The following PDE5A variants were observed in gnomAD, a reference collection of about 807,000 sequenced individuals.
PDE5A encodes cGMP-specific 3',5'-cyclic phosphodiesterase.
A neutral mutation model predicts 110.2 loss-of-function variants in PDE5A; 67 were observed. The observed-to-expected ratio is 0.61, with a 90% CI of 0.50 to 0.75. The LOEUF (loss-of-function observed/expected upper bound fraction) is 0.75. Ranked by LOEUF, PDE5A falls within the 30% of genes least tolerant of loss-of-function variation. PDE5A has a pLI of 0.00. For missense variants in PDE5A, 862 were observed against 1,045.1 expected, an observed-to-expected ratio of 0.82 and a Z score of 2.42; for synonymous variants, 328 against 351.2, an observed-to-expected ratio of 0.93 and a Z score of 0.74.
intron 3 of PDE5A, among the ~76,000 whole-genome samples, chr4:119,585,116 A>C (rs1462606452): frequency 2.0e-5 from 3 of 152,124 alleles, no homozygotes; most frequent in African/African-American, 7.2e-5. Context: ...TCTACTAAAA[A>C]TACAAAAAAT....
In PDE5A at chr4:119,553,666, A is replaced by C; in HGVS notation, c.1280T>G (p.Val427Gly). The change falls in exon 8 of 21, where the codon GTC (valine) becomes GGC (glycine). Residue 427 changes from valine to glycine, a missense_variant. Val to Gly is a moderately radical substitution (Grantham distance 109, BLOSUM62 -3). Transcript: ENST00000354960. Reference sequence around the variant, plus strand: ...CCAGGGAAATCTTTTATCCTTACTGACATCTGGGATATTAAGTGGTTCCAT... The same window carrying C: ...CCAGGGAAATCTTTTATCCTTACTGCCATCTGGGATATTAAGTGGTTCCAT... ...NTMEPLNIPD[V>G]SKDKRFPWTT... The C allele has an allele frequency of 6.3e-7, 1 of 1,584,058 alleles. No individual in the cohort carries two copies. The highest frequency in any genetic ancestry group is 8.7e-7 in the Non-Finnish European group (1 of 1,152,924).
At chr4:119,589,049 T>C (rs1299855096) in intron 3 of PDE5A, among the ~76,000 whole-genome samples, 4 of 152,108 alleles carry the variant, frequency 2.6e-5, no homozygotes, top group Non-Finnish European at 5.9e-5. Context: ...CATTCAACAA[T>C]GGTGGTTCAG....
At chr4:119,527,822 G>C (rs974970490) in intron 11 of PDE5A, among the ~76,000 whole-genome samples, 1 of 151,084 alleles carries the variant, frequency 6.6e-6, no homozygotes, top group African/African-American at 2.5e-5. Context: ...AAACAATAAG[G>C]TACTATAAAT....
intron 1 of PDE5A, among the ~76,000 whole-genome samples, chr4:119,613,018 C>G (rs1211638884): frequency 6.6e-6 from 1 of 152,108 alleles, no homozygotes; most frequent in Non-Finnish European, 1.5e-5. Context: ...GAATATTAGT[C>G]AAATAATTAT....
At chr4:119,514,275 C>A (rs778579992) in intron 14 of PDE5A, among the ~76,000 whole-genome samples, 1 of 152,104 alleles carries the variant, frequency 6.6e-6, no homozygotes, top group Non-Finnish European at 1.5e-5. Flanking sequence ...AAAATGAAAG[C>A]CCCATGGGGG....
At chr4:119,520,913 T>C (rs201183451) in intron 13 of PDE5A, 22 bp downstream of exon 13, 11 of 1,596,590 alleles carry the variant, frequency 6.9e-6, no homozygotes, top group African/African-American at 5.4e-5. Context: ...GTATTAGATA[T>C]ATGAATGGCT....
chr4:119,524,431 T>C (rs1204734129), intron 12 of PDE5A, among the ~76,000 whole-genome samples: 2 of 151,724 alleles, frequency 1.3e-5, no homozygotes, highest in African/African-American at 4.9e-5. Context: ...AAGAGTAAAG[T>C]ATTATTAGGT....
intron 3 of PDE5A, among the ~76,000 whole-genome samples, chr4:119,575,625 C>A (rs1578790810): frequency 6.6e-6 from 1 of 152,154 alleles, no homozygotes. Flanking sequence ...CCTTTACAGA[C>A]AAGCAAATGC....
chr4:119,578,244 T>C (rs963406003), intron 3 of PDE5A, among the ~76,000 whole-genome samples: 1 of 152,130 alleles, frequency 6.6e-6, no homozygotes, highest in African/African-American at 2.4e-5. Flanking sequence ...ATCAGTATCA[T>C]GAAAATGGCC....
At chr4:119,559,610 C>T (rs538018768) in intron 7 of PDE5A, among the ~76,000 whole-genome samples, 33 of 152,096 alleles carry the variant, frequency 2.2e-4, no homozygotes, top group Admixed American at 3.9e-4. Context: ...AAAGATATTA[C>T]AGCATCATAA....
intron 14 of PDE5A, among the ~76,000 whole-genome samples, chr4:119,516,490 C>T (rs1725911931): frequency 6.6e-6 from 1 of 152,212 alleles, no homozygotes; most frequent in Non-Finnish European, 1.5e-5. Context: ...TGAATGCAGA[C>T]CTAATGCAGG....
intron 1 of PDE5A, among the ~76,000 whole-genome samples, chr4:119,620,206 C>T (rs1053292004): frequency 2.0e-5 from 3 of 152,280 alleles, no homozygotes; most frequent in African/African-American, 7.2e-5. Context: ...TTTTGGACAC[C>T]TCTAAGTGAT....
intron 20 of PDE5A, 120 bp downstream of exon 20, chr4:119,501,050 A>C: frequency 6.4e-6 from 4 of 624,618 alleles, no homozygotes; most frequent in Non-Finnish European, 8.5e-6. Flanking sequence ...CCATACTGCT[A>C]ATAATTTTAT....
At chr4:119,536,508 G>A (rs1326427340) in intron 11 of PDE5A, among the ~76,000 whole-genome samples, 2 of 152,104 alleles carry the variant, frequency 1.3e-5, no homozygotes, top group African/African-American at 4.8e-5. Flanking sequence ...GTAAAGCTTT[G>A]TAAATAATTG....
intron 6 of PDE5A, among the ~76,000 whole-genome samples, chr4:119,560,987 G>A (rs1727728141): frequency 6.6e-6 from 1 of 152,112 alleles, no homozygotes; most frequent in African/African-American, 2.4e-5. Context: ...GGATGTTGTG[G>A]GCATGCCTCT....
chr4:119,594,048 T>C (rs1010525163), intron 3 of PDE5A, among the ~76,000 whole-genome samples: 1 of 152,194 alleles, frequency 6.6e-6, no homozygotes, highest in South Asian at 2.1e-4. Flanking sequence ...GTAGGGATTA[T>C]GGGGATTATA....
intron 16 of PDE5A, 108 bp from the exon 17 acceptor site, chr4:119,506,040 T>A: frequency 1.9e-6 from 1 of 528,740 alleles, no homozygotes; most frequent in South Asian, 3.6e-5. Flanking sequence ...AACCTCTGAT[T>A]TTTTTTCCCA....
intron 13 of PDE5A, among the ~76,000 whole-genome samples, chr4:119,519,894 C>T (rs1467519675): frequency 6.6e-6 from 1 of 152,112 alleles, no homozygotes; most frequent in Admixed American, 6.6e-5. Flanking sequence ...TATCCCTAAT[C>T]TGAAATCCAA....
intron 14 of PDE5A, among the ~76,000 whole-genome samples, chr4:119,514,397 C>G (rs1725841957): frequency 6.6e-6 from 1 of 152,068 alleles, no homozygotes; most frequent in Non-Finnish European, 1.5e-5. Context: ...CTAACAACCT[C>G]TTTGTAACCT....
Sources: allele counts gnomAD v4.1 joint callset (sites outside exome capture counted in the v4.1 genomes callset), GRCh38; gene constraint gnomAD v4.1.1; transcripts MANE v1.5; gene names NCBI Gene and HGNC (gene_info 2026-07-23, HGNC 2026-07-21).